The following PRKD3 variants were observed in gnomAD, a reference collection of about 807,000 sequenced individuals.
The protein encoded by PRKD3 is serine/threonine-protein kinase D3.
PRKD3 carries 47 observed loss-of-function variants against 99.2 expected under a neutral mutation model. The ratio of observed to expected loss-of-function variants is 0.47; its 90% CI spans 0.38 to 0.60. The LOEUF (loss-of-function observed/expected upper bound fraction) is 0.60. Among genes scored for constraint, PRKD3 ranks in the 20% least tolerant of loss-of-function variants. The pLI is 0.00. For synonymous variants in PRKD3, 392 were observed against 355.4 expected, an observed-to-expected ratio of 1.10 and a Z score of -1.16; for missense variants, 1,019 against 1,088.4, an observed-to-expected ratio of 0.94 and a Z score of 0.90.
chr2:37,267,346 T>TAAA (rs373745205), intron 14 of PRKD3, 84 bp downstream of exon 14: 397 of 783,852 alleles, frequency 5.1e-4, no homozygotes, highest in Middle Eastern at 1.2e-3. Context: ...TTTGCCTTCT[T>TAAA]AAAAAAAAAA....
At position 37,251,029 on chromosome 2, in the gene PRKD3, A is replaced by C. The variant is rs1163478738; in HGVS notation, c.*2148T>G. On this transcript the variant is annotated 3_prime_UTR_variant, in exon 19 of 19. Transcript: ENST00000234179. ...ATGGCTTGTAAAGTTTGACTATGTA[A>C]GTATAGCAAACAAACATCGTTCCAG... The C allele has an allele frequency of 6.6e-6, 1 of 152,658 alleles. No homozygotes were observed. Among genetic ancestry groups the C allele is most frequent in the African/African-American group, 2.4e-5 (1 of 41,462 alleles). 9.5% of individuals were successfully genotyped at this position (152,658 alleles called of 1,614,324 possible).
intron 1 of PRKD3, among the ~76,000 whole-genome samples, chr2:37,318,510 GAACA>G (rs1671753866): frequency 4.6e-5 from 7 of 152,206 alleles, no homozygotes; most frequent in Non-Finnish European, 7.3e-5. Context: ...GTCTCCACAA[GAACA>G]CACTATTTCT....
intron 8 of PRKD3, 63 bp from the exon 9 acceptor site, chr2:37,278,052 G>A (rs1669659910): frequency 1.4e-6 from 2 of 1,384,662 alleles, no homozygotes; most frequent in African/African-American, 1.5e-5. Flanking sequence ...AAATACTGTA[G>A]GAACATGAAG....
chr2:37,253,176 A>AT lies in PRKD3; in HGVS notation c.2673dup, dbSNP rs79875666. On this transcript the variant is annotated 3_prime_UTR_variant, in exon 19 of 19. Coordinates refer to ENST00000234179, the MANE Select transcript of PRKD3 (RefSeq NM_005813.6). Reference sequence around the variant, plus strand: ...CTTCCTTATTTAGGTTAGCTCAGTGATTAAGGATCTTCTTCCATATCATCT... The same window carrying AT: ...CTTCCTTATTTAGGTTAGCTCAGTGATTTAAGGATCTTCTTCCATATCATCT... The AT allele has an allele frequency of 0.053, 84,039 of 1,599,144 alleles. 2,522 individuals are homozygous for AT. Among genetic ancestry groups the AT allele is most frequent in the African/African-American group, 0.11 (8,217 of 74,610 alleles).
At chr2:37,301,206 A>G (rs17481834) in intron 2 of PRKD3, among the ~76,000 whole-genome samples, 21,449 of 152,192 alleles carry the variant, frequency 0.14, 1,688 homozygotes, top group South Asian at 0.28. Flanking sequence ...CCTGAACAAC[A>G]TATCAAAAAA....
At chr2:37,289,156 A>G (rs1261055495) in intron 5 of PRKD3, among the ~76,000 whole-genome samples, 200 bp downstream of exon 5, 3 of 152,160 alleles carry the variant, frequency 2.0e-5, no homozygotes, top group African/African-American at 7.2e-5. Context: ...GGTACAAGCC[A>G]TAATACCATC....
At chr2:37,288,841 G>A (rs1244268835) in intron 5 of PRKD3, among the ~76,000 whole-genome samples, 1 of 152,042 alleles carries the variant, frequency 6.6e-6, no homozygotes, top group Non-Finnish European at 1.5e-5. Context: ...AGATCACGAG[G>A]TCAGGAATTC....
At position 37,256,817 on chromosome 2, in the gene PRKD3, T is replaced by C; in HGVS notation, c.2258A>G (p.Tyr753Cys). Reference sequence around the variant, plus strand: ...TGACCACATATCTAGGGAACGGTTGTAACCTTTGCTCCGGAGAACTTCAGG... The same window carrying C: ...TGACCACATATCTAGGGAACGGTTGCAACCTTTGCTCCGGAGAACTTCAGG... ...LAPEVLRSKG[Y>C]NRSLDMWSVG... Residue 753 changes from tyrosine to cysteine, a missense_variant, in exon 17 of 19, where the codon TAC becomes TGC. Transcript: ENST00000234179. 6.2e-7 allele frequency: 1 copy of C among 1,614,016 alleles called. No homozygotes were observed. The highest frequency in any genetic ancestry group is 8.5e-7 in the Non-Finnish European group (1 of 1,179,990).
At chr2:37,286,060 A>G (rs968041395) in intron 6 of PRKD3, 117 bp downstream of exon 6, 6 of 917,198 alleles carry the variant, frequency 6.5e-6, no homozygotes, top group South Asian at 2.1e-5. Flanking sequence ...TTTCCTTTAT[A>G]TAACAATTAT....
chr2:37,305,265 C>T (rs1009118981), intron 2 of PRKD3, among the ~76,000 whole-genome samples: 2 of 152,158 alleles, frequency 1.3e-5, no homozygotes, highest in Admixed American at 6.5e-5. Context: ...CTCAATTAGG[C>T]TACATAAGCA....
chr2:37,314,821 A>G (rs1167824791), intron 2 of PRKD3, among the ~76,000 whole-genome samples: 1 of 152,182 alleles, frequency 6.6e-6, no homozygotes, highest in Non-Finnish European at 1.5e-5. Context: ...GTGTTTGAAA[A>G]CAGTCTGTAA....
rs764224359 is a variant in PRKD3 at position 37,278,005 on chromosome 2, AAT to A, written c.1173-18_1173-17del. 5 of 1,587,600 alleles carry A rather than the reference AAT, an allele frequency of 3.1e-6. No homozygotes were observed. In the Admixed American group the frequency reaches 8.6e-5, roughly 27 times the overall value. On this transcript the variant is annotated splice_polypyrimidine_tract_variant and intron_variant, in intron 8 of 18. Coordinates refer to ENST00000234179, the MANE Select transcript of PRKD3 (RefSeq NM_005813.6). ...TGTTGATGGACTAAAAAATATTTAAAATTTGTAAGTTTGTGTAGATTTTTAAA... is the reference window on the plus strand; with the variant it reads ...TGTTGATGGACTAAAAAATATTTAAATTGTAAGTTTGTGTAGATTTTTAAA...
At chr2:37,312,712 G>A (rs2110966) in intron 2 of PRKD3, among the ~76,000 whole-genome samples, 6,776 of 152,198 alleles carry the variant, frequency 0.045, 159 homozygotes, top group African/African-American at 0.051. Flanking sequence ...AAGTAACAGC[G>A]CTGTTAGCTG....
At chr2:37,320,358 A>G (rs1196888875) in intron 1 of PRKD3, among the ~76,000 whole-genome samples, 1 of 151,276 alleles carries the variant, frequency 6.6e-6, no homozygotes, top group East Asian at 1.9e-4. Flanking sequence ...AGTAGTTTTT[A>G]TAAGATGAAC....
chr2:37,295,868 AG>A (rs1183379630), intron 2 of PRKD3, among the ~76,000 whole-genome samples: 1 of 152,224 alleles, frequency 6.6e-6, no homozygotes, highest in Non-Finnish European at 1.5e-5. Flanking sequence ...GTAGAGGAAC[AG>A]GAACAGAAAG....
At chr2:37,264,547 G>A (rs1475580429) in intron 14 of PRKD3, among the ~76,000 whole-genome samples, 1 of 152,056 alleles carries the variant, frequency 6.6e-6, no homozygotes, top group Non-Finnish European at 1.5e-5. Flanking sequence ...GTTTAATGCT[G>A]AATAGAATGT....
intron 14 of PRKD3, among the ~76,000 whole-genome samples, chr2:37,262,960 G>A (rs567953213): frequency 1.3e-5 from 2 of 150,850 alleles, no homozygotes; most frequent in African/African-American, 2.4e-5. Flanking sequence ...GCTTAGGATG[G>A]CCATTTTATT....
chr2:37,291,900 A>G (rs1458812905), intron 3 of PRKD3, among the ~76,000 whole-genome samples: 1 of 152,146 alleles, frequency 6.6e-6, no homozygotes, highest in Non-Finnish European at 1.5e-5. Context: ...CAGACCTACT[A>G]TGTGCATTAT....
chr2:37,253,074 A>T lies in PRKD3; in HGVS notation c.*103T>A. 1 of 1,199,420 alleles carries T rather than the reference A, an allele frequency of 8.3e-7. No individual in the cohort carries two copies. Among genetic ancestry groups the T allele is most frequent in the East Asian group, 2.4e-5 (1 of 41,486 alleles). The allele number at this position is 1,199,420 out of a possible 1,614,324, so 74.3% of individuals were successfully genotyped here. On this transcript the variant is annotated 3_prime_UTR_variant, in exon 19 of 19. Coordinates refer to ENST00000234179, the MANE Select transcript of PRKD3 (RefSeq NM_005813.6). ...CACTTATTCGTTATCATATTTCTTC[A>T]TATCTTTGCAGCACTGCAGATGACA... is the stretch of plus-strand genomic sequence containing the variant.
Sources: gnomAD v4.1 joint callset for allele counts (sites outside exome capture counted in the v4.1 genomes callset) on GRCh38, gnomAD v4.1.1 for gene constraint, MANE v1.5 for transcripts, NCBI Gene and HGNC (gene_info 2026-07-23, HGNC 2026-07-21) for gene names.